The following EPM2A variants were observed in gnomAD, a reference collection of about 807,000 sequenced individuals.
The protein encoded by EPM2A is EPM2A glucan phosphatase, laforin.
EPM2A carries 21 observed loss-of-function variants against 26.5 expected under a neutral mutation model. That is an observed-to-expected ratio of 0.79 (90% CI 0.56 to 1.14). The LOEUF (loss-of-function observed/expected upper bound fraction) is 1.14, where lower values mean the gene tolerates loss of function less well. EPM2A is among the 50% of genes most tolerant of loss of function. EPM2A has a pLI of 0.00. For missense variants in EPM2A, 458 were observed against 440.8 expected, an observed-to-expected ratio of 1.04 and a Z score of -0.35; for synonymous variants, 217 against 177.6, an observed-to-expected ratio of 1.22 and a Z score of -1.76.
chr6:145,689,938 G>A (rs919928171), intron 1 of EPM2A, among the ~76,000 whole-genome samples: 1 of 152,150 alleles, frequency 6.6e-6, no homozygotes, highest in Admixed American at 6.5e-5. Context: ...CGTGACAAAG[G>A]TGACCTAGTG....
chr6:145,542,708 T>G (rs574985170), intron 2 of EPM2A, among the ~76,000 whole-genome samples: 215 of 152,286 alleles, frequency 1.4e-3, no homozygotes, highest in African/African-American at 4.2e-3. Context: ...TACTTGGCTT[T>G]ATTTTTTGTT....
intron 4 of EPM2A, among the ~76,000 whole-genome samples, chr6:145,390,344 T>C (rs1778320985): frequency 6.6e-6 from 1 of 151,934 alleles, no homozygotes; most frequent in Non-Finnish European, 1.5e-5. Context: ...AAAAAACACC[T>C]TCACAGAAAC....
Position 145,686,299 on chromosome 6 carries a change from A to G in EPM2A, c.302-3T>C, listed in dbSNP as rs749807094. The G allele has an allele frequency of 1.2e-6, 2 of 1,612,392 alleles. No homozygotes were observed. Among genetic ancestry groups the G allele is most frequent in the African/African-American group, 1.3e-5 (1 of 74,888 alleles). On this transcript the variant is annotated splice_polypyrimidine_tract_variant and splice_region_variant and intron_variant, in intron 1 of 3. Transcript: ENST00000367519. ...ACGGTCATGATGAGGTCCATTGCCTAGAACAAGAAAAAATGATAAACAGAG... is the reference window on the plus strand; with the variant it reads ...ACGGTCATGATGAGGTCCATTGCCTGGAACAAGAAAAAATGATAAACAGAG...
chr6:145,496,927 C>T (rs140335430), downstream of EPM2A, among the ~76,000 whole-genome samples: 292 of 151,960 alleles, frequency 1.9e-3, no homozygotes, highest in African/African-American at 6.6e-3. Context: ...TTAGTAAAGA[C>T]GGGGTTTCAC....
chr6:145,528,789 T>C (rs753076204), intron 2 of EPM2A, among the ~76,000 whole-genome samples: 1 of 152,114 alleles, frequency 6.6e-6, no homozygotes, highest in South Asian at 2.1e-4. Context: ...CATAGAGCTA[T>C]AGTTGCCTTA....
chr6:145,605,276 A>G (rs1582891152), intron 2 of EPM2A, among the ~76,000 whole-genome samples: 1 of 152,182 alleles, frequency 6.6e-6, no homozygotes, highest in East Asian at 1.9e-4. Flanking sequence ...GAGTTATAAC[A>G]TGCCATACTT....
intron 2 of EPM2A, among the ~76,000 whole-genome samples, chr6:145,505,244 A>AT (rs565969623): frequency 0.011 from 1,385 of 122,800 alleles, 14 homozygotes; most frequent in Non-Finnish European, 0.015. Flanking sequence ...TTAAAGTATA[A>AT]TTAAAAAAAA....
chr6:145,682,709 T>A lies in EPM2A; in HGVS notation c.476+3413A>T, dbSNP rs9373468. 15 of 152,268 alleles carry A rather than the reference T, an allele frequency of 9.9e-5. No individual in the cohort carries two copies. In the East Asian group the frequency reaches 2.7e-3, roughly 27 times the overall value. 9.4% of individuals were successfully genotyped at this position (152,268 alleles called of 1,614,324 possible). The stretch of plus-strand genomic sequence containing the variant: ...CTTACTGAATAAATGAAGTTACCAT[T>A]TATCTTATTATATAACATTTAATTT... On this transcript the variant is annotated intron_variant, in intron 2 of 3. Coordinates refer to ENST00000367519, the MANE Select transcript of EPM2A (RefSeq NM_005670.4).
chr6:145,445,166 G>T (rs1390896043), intron 4 of EPM2A, among the ~76,000 whole-genome samples: 4 of 152,094 alleles, frequency 2.6e-5, no homozygotes, highest in African/African-American at 9.7e-5. Context: ...TGAGAGCTTA[G>T]AACTTTCTCT....
chr6:145,463,641 A>T (rs1204798453), intron 4 of EPM2A, among the ~76,000 whole-genome samples: 2 of 152,104 alleles, frequency 1.3e-5, no homozygotes, highest in East Asian at 3.9e-4. Flanking sequence ...TAATTATTCT[A>T]CAGTACAAAT....
chr6:145,386,221 G>A (rs1778259857), intron 4 of EPM2A, among the ~76,000 whole-genome samples: 1 of 152,080 alleles, frequency 6.6e-6, no homozygotes. Flanking sequence ...CTAGCTCAGC[G>A]TTTTGCTCAG....
chr6:145,462,405 A>T (rs1338452371), intron 4 of EPM2A, among the ~76,000 whole-genome samples: 1 of 152,204 alleles, frequency 6.6e-6, no homozygotes, highest in Non-Finnish European at 1.5e-5. Context: ...TACATTGTAT[A>T]CAAATTTATT....
At chr6:145,550,734 C>T (rs1166773348) in intron 2 of EPM2A, among the ~76,000 whole-genome samples, 4 of 152,076 alleles carry the variant, frequency 2.6e-5, no homozygotes, top group African/African-American at 9.7e-5. Flanking sequence ...TGATGATCTA[C>T]TTCCACTTTA....
Position 145,701,763 on chromosome 6 carries a change from C to T in EPM2A, c.302-15467G>A, listed in dbSNP as rs372926056. 9.9e-5 allele frequency among the ~76,000 whole-genome samples: 15 copies of T among 152,274 alleles called. No individual in the cohort carries two copies. The East Asian group carries it at 2.1e-3, about 22-fold the overall frequency. The stretch of plus-strand genomic sequence containing the variant: ...TAATTTTGGAGGATAAATCATATTT[C>T]CTTAGGCATCACATCTCCACCTGAT... On this transcript the variant is annotated intron_variant, in intron 1 of 3. Transcript: ENST00000367519.
chr6:145,424,638 C>T (rs1382851355), intron 4 of EPM2A, among the ~76,000 whole-genome samples: 1 of 152,138 alleles, frequency 6.6e-6, no homozygotes, highest in East Asian at 1.9e-4. Flanking sequence ...ATCTAATCCC[C>T]ATTGGGATGG....
At chr6:145,710,587 G>A (rs995291477) in intron 1 of EPM2A, among the ~76,000 whole-genome samples, 2 of 152,144 alleles carry the variant, frequency 1.3e-5, no homozygotes, top group African/African-American at 4.8e-5. Flanking sequence ...TCTAGAACTA[G>A]AAATACCATT....
intron 2 of EPM2A, among the ~76,000 whole-genome samples, chr6:145,518,620 A>C (rs201292477): frequency 0.02 from 2,824 of 141,436 alleles, 48 homozygotes; most frequent in Admixed American, 0.038. Flanking sequence ...AAAAAAAAAA[A>C]AAACAAAGAG....
At chr6:145,487,245 T>C (rs536918313) in intron 4 of EPM2A, among the ~76,000 whole-genome samples, 5 of 152,222 alleles carry the variant, frequency 3.3e-5, no homozygotes, top group African/African-American at 1.2e-4. Context: ...CTAACCTTGA[T>C]GGGCATTTAG....
At chr6:145,501,750 C>T (rs1266355394) in exon 4 of EPM2A, 9 of 470,312 alleles carry the variant, frequency 1.9e-5, no homozygotes, top group South Asian at 4.7e-5. Context: ...TTGCACCAGT[C>T]GTCACCCATC....
Sources: allele counts gnomAD v4.1 joint callset (sites outside exome capture counted in the v4.1 genomes callset), GRCh38; gene constraint gnomAD v4.1.1; transcripts MANE v1.5; gene names NCBI Gene and HGNC (gene_info 2026-07-23, HGNC 2026-07-21).